Variants in PLPPR5 observed in about 807,000 individuals in gnomAD.
PLPPR5 encodes the protein phospholipid phosphatase related 5.
Under a neutral mutation model 33.9 loss-of-function variants are expected in PLPPR5, and 16 were observed. That is an observed-to-expected ratio of 0.47 (90% CI 0.32 to 0.72). PLPPR5 has a LOEUF of 0.72. Among genes scored for constraint, PLPPR5 ranks in the 30% least tolerant of loss-of-function variants. The pLI is 0.03. For missense variants in PLPPR5, 301 were observed against 406.7 expected, an observed-to-expected ratio of 0.74 and a Z score of 2.23; for synonymous variants, 163 against 150.3, an observed-to-expected ratio of 1.08 and a Z score of -0.62.
At chr1:98,908,633 G>C (rs182422069) in intron 5 of PLPPR5, among the ~76,000 whole-genome samples, 1 of 152,264 alleles carries the variant, frequency 6.6e-6, no homozygotes, top group East Asian at 1.9e-4. Context: ...GGATCCCTGG[G>C]TCCTTGGGTG....
At chr1:98,985,682 TG>T (rs1426585522) in intron 1 of PLPPR5, among the ~76,000 whole-genome samples, 1 of 152,050 alleles carries the variant, frequency 6.6e-6, no homozygotes, top group Non-Finnish European at 1.5e-5. Flanking sequence ...GTACCTCCTC[TG>T]TTTAAATATG....
chr1:98,908,648 G>C (rs898294148), intron 5 of PLPPR5, among the ~76,000 whole-genome samples: 1 of 152,114 alleles, frequency 6.6e-6, no homozygotes, highest in African/African-American at 2.4e-5. Flanking sequence ...TGGGTGGATG[G>C]GGGGTTTGTG....
chr1:98,894,910 A>G (rs1046473410), intron 5 of PLPPR5, among the ~76,000 whole-genome samples: 1 of 152,098 alleles, frequency 6.6e-6, no homozygotes, highest in Non-Finnish European at 1.5e-5. Context: ...CAAGTGCACA[A>G]GTGCAAGCTG....
chr1:98,962,214 T>C (rs143566194), intron 1 of PLPPR5, among the ~76,000 whole-genome samples: 108 of 152,320 alleles, frequency 7.1e-4, no homozygotes, highest in African/African-American at 2.2e-3. Flanking sequence ...CACAAAATTA[T>C]ATATATTTAT....
chr1:98,894,273 C>G (rs1434545569), intron 5 of PLPPR5, among the ~76,000 whole-genome samples: 1 of 152,046 alleles, frequency 6.6e-6, no homozygotes, highest in Non-Finnish European at 1.5e-5. Flanking sequence ...ATGAAAATGT[C>G]TGGAAATTCA....
At chr1:98,940,490 C>G (rs773493438) in intron 3 of PLPPR5, among the ~76,000 whole-genome samples, 3 of 151,898 alleles carry the variant, frequency 2.0e-5, no homozygotes, top group African/African-American at 7.2e-5. Flanking sequence ...GGAGGGAAGA[C>G]AGCTTTTAGC....
intron 1 of PLPPR5, among the ~76,000 whole-genome samples, chr1:98,963,246 T>G (rs1376720490): frequency 6.6e-6 from 1 of 152,228 alleles, no homozygotes; most frequent in Non-Finnish European, 1.5e-5. Flanking sequence ...TATTGCAACT[T>G]TATTCTATTC....
intron 1 of PLPPR5, among the ~76,000 whole-genome samples, chr1:98,979,469 A>G (rs1458338576): frequency 6.6e-6 from 1 of 152,084 alleles, no homozygotes; most frequent in Admixed American, 6.6e-5. Flanking sequence ...TGTTGTTGCT[A>G]TTATAGACAT....
chr1:98,891,731 A>AAAACATAAACAT lies in PLPPR5; in HGVS notation c.*1329_*1340dup, dbSNP rs1393559272. On this transcript the variant is annotated 3_prime_UTR_variant, in exon 6 of 6. Transcript: ENST00000263177. Reference sequence around the variant, plus strand: ...TTATATTTGAAAAGTGTTCATTCTTAAAACATAAACATTTAAAATACAGCA... The same window carrying AAAACATAAACAT: ...TTATATTTGAAAAGTGTTCATTCTTAAAACATAAACATAAACATAAACATTTAAAATACAGCA... 1 of 152,146 alleles carries AAAACATAAACAT rather than the reference A, an allele frequency of 6.6e-6. No homozygotes were observed. Among genetic ancestry groups the AAAACATAAACAT allele is most frequent in the African/African-American group, 2.4e-5 (1 of 41,448 alleles). The allele number at this position is 152,146 out of a possible 1,614,324, so 9.4% of individuals were successfully genotyped here.
intron 2 of PLPPR5, 129 bp downstream of exon 2, chr1:98,956,480 C>A: frequency 2.2e-6 from 2 of 906,384 alleles, no homozygotes; most frequent in East Asian, 3.1e-5. Flanking sequence ...TTTTTAAAAG[C>A]AAATTGAAAC....
At chr1:98,937,990 C>T (rs990780498) in intron 3 of PLPPR5, among the ~76,000 whole-genome samples, 1 of 152,030 alleles carries the variant, frequency 6.6e-6, no homozygotes, top group Non-Finnish European at 1.5e-5. Flanking sequence ...AGAATGCCCA[C>T]CTATATACAT....
intron 5 of PLPPR5, 78 bp downstream of exon 5, chr1:98,914,708 C>T (rs1329234540): frequency 7.8e-7 from 1 of 1,289,244 alleles, no homozygotes; most frequent in African/African-American, 1.5e-5. Flanking sequence ...ACTGTGTGGA[C>T]ATGCTCCAGA....
intron 1 of PLPPR5, among the ~76,000 whole-genome samples, chr1:98,957,806 A>G (rs926353421): frequency 5.9e-5 from 9 of 152,178 alleles, no homozygotes; most frequent in Non-Finnish European, 1.3e-4. Flanking sequence ...CTTGGAACAC[A>G]AGTGAGTTGC....
chr1:98,980,921 A>G (rs1254944262), intron 1 of PLPPR5, among the ~76,000 whole-genome samples: 2 of 152,100 alleles, frequency 1.3e-5, no homozygotes, highest in East Asian at 3.9e-4. Context: ...ATAACAGTTT[A>G]ACATCAGGTA....
intron 3 of PLPPR5, among the ~76,000 whole-genome samples, chr1:98,925,018 GAGCTTTCACTTGTACTC>G (rs1211080637): frequency 2.0e-5 from 3 of 152,172 alleles, no homozygotes; most frequent in African/African-American, 7.2e-5. Flanking sequence ...AAAAATAAGA[GAGCTTTCACTTGTACTC>G]AGCAACTCTT....
At chr1:98,906,375 T>C (rs1352682817) in intron 5 of PLPPR5, among the ~76,000 whole-genome samples, 1 of 151,960 alleles carries the variant, frequency 6.6e-6, no homozygotes, top group Non-Finnish European at 1.5e-5. Context: ...ATACTACATG[T>C]TGTTGGCCAG....
At position 98,956,625 on chromosome 1, in the gene PLPPR5, T is replaced by A. The variant is rs749437292; in HGVS notation, c.354A>T (p.Arg118=). Residue 118 remains arginine, a synonymous_variant, in exon 2 of 6, where the codon CGA becomes CGT. Transcript: ENST00000263177. ...DCCYINPLVR[R]TVRFLGIYTF... ...AACACATACCAAGAAATCGGACAGT[T>A]CGGCGCACCAGCGGGTTTATATAGC... 1 of 1,587,368 alleles carries A rather than the reference T, an allele frequency of 6.3e-7. No homozygotes were observed. Among genetic ancestry groups the A allele is most frequent in the African/African-American group, 1.4e-5 (1 of 73,212 alleles).
chr1:98,907,240 T>C (rs1183441666), intron 5 of PLPPR5, among the ~76,000 whole-genome samples: 1 of 150,826 alleles, frequency 6.6e-6, no homozygotes, highest in African/African-American at 2.5e-5. Context: ...CTCACTCTGT[T>C]GTCCAGGCTG....
At chr1:98,997,376 C>A (rs1425751697) in intron 1 of PLPPR5, among the ~76,000 whole-genome samples, 4 of 152,146 alleles carry the variant, frequency 2.6e-5, no homozygotes, top group African/African-American at 9.7e-5. Flanking sequence ...ACATTGTCGT[C>A]TTTCAAAACT....
Sources: allele counts gnomAD v4.1 joint callset (sites outside exome capture counted in the v4.1 genomes callset), GRCh38; gene constraint gnomAD v4.1.1; transcripts MANE v1.5; gene names NCBI Gene and HGNC (gene_info 2026-07-23, HGNC 2026-07-21).